Variants in DPP10 observed in about 807,000 individuals in gnomAD.
DPP10 encodes inactive dipeptidyl peptidase 10.
A neutral mutation model predicts 120.9 loss-of-function variants in DPP10; 33 were observed. That is an observed-to-expected ratio of 0.27 (90% CI 0.21 to 0.37). DPP10 has a LOEUF of 0.37. DPP10 is among the 10% of genes least tolerant of loss of function. The pLI is 1.00. For missense variants in DPP10, 816 were observed against 942.8 expected (o/e 0.87, Z 1.76); for synonymous variants, 337 against 326.1 (o/e 1.03, Z -0.36).
intron 3 of DPP10, among the ~76,000 whole-genome samples, chr2:115,389,278 A>AACACACAC (rs3980953): frequency 4.7e-4 from 70 of 149,738 alleles, no homozygotes; most frequent in African/African-American, 1.5e-3. Context: ...CACACACACA[A>AACACACAC]ACACACACAC....
In DPP10 at chr2:115,842,527, AG is replaced by A; in HGVS notation, c.*186del. The A allele has an allele frequency of 1.6e-6, 1 of 619,864 alleles. No homozygotes were observed. 38.4% of individuals were successfully genotyped at this position (619,864 alleles called of 1,614,324 possible). A position where few individuals can be genotyped will look rare whatever the true frequency, so the allele number is the denominator to read the frequency against. ...ACAAGTCCAAGTCTACTGTGTTGCT[AG>A]GGGTGCAGAACCCGTTTCTTTGTAT... On this transcript the variant is annotated 3_prime_UTR_variant, in exon 26 of 26. Coordinates refer to ENST00000410059, the MANE Select transcript of DPP10 (RefSeq NM_020868.6).
chr2:115,252,289 C>G (rs1161325707), intron 1 of DPP10, among the ~76,000 whole-genome samples: 3 of 152,172 alleles, frequency 2.0e-5, no homozygotes, highest in Admixed American at 2.0e-4. Context: ...GTACAGAGAA[C>G]TCATCCCTGT....
chr2:115,597,299 AT>A (rs2083049697), intron 5 of DPP10, among the ~76,000 whole-genome samples: 1 of 152,152 alleles, frequency 6.6e-6, no homozygotes, highest in Non-Finnish European at 1.5e-5. Context: ...ATACAAAGTA[AT>A]TTCTCATGTC....
chr2:115,037,891 C>G (rs1011418315), intron 1 of DPP10, among the ~76,000 whole-genome samples: 1 of 152,134 alleles, frequency 6.6e-6, no homozygotes, highest in Non-Finnish European at 1.5e-5. Flanking sequence ...CTGGAGCCAA[C>G]CATATAATGA....
rs1310507943 is a variant in DPP10 at position 115,087,533 on chromosome 2, C to CTTTTT, written c.61-221702_61-221701insTTTTT. 2.5e-3 allele frequency among the ~76,000 whole-genome samples: 229 copies of CTTTTT among 92,584 alleles called. 1 individual carries two copies. Among genetic ancestry groups the CTTTTT allele is most frequent in the East Asian group, 3.3e-3 (12 of 3,616 alleles). 60.7% of individuals were successfully genotyped at this position (92,584 alleles called of 152,430 possible). Reference sequence around the variant, plus strand: ...TCTTTTTCTTTCTTTCTTTTCTTTTCTTTTCTTTTTTTTTTTTTTTTTTGA... The same window carrying CTTTTT: ...TCTTTTTCTTTCTTTCTTTTCTTTTCTTTTTTTTTCTTTTTTTTTTTTTTTTTTGA... On this transcript the variant is annotated intron_variant, in intron 1 of 25. Transcript: ENST00000410059.
chr2:114,619,625 AAAATT>A (rs1263787909), intron 1 of DPP10, among the ~76,000 whole-genome samples: 2 of 152,070 alleles, frequency 1.3e-5, no homozygotes, highest in Middle Eastern at 3.2e-3. Context: ...AAAATAAAAT[AAAATT>A]AAATTAAAAT....
chr2:114,755,183 T>A (rs1008175597), intron 1 of DPP10, among the ~76,000 whole-genome samples: 4 of 152,250 alleles, frequency 2.6e-5, no homozygotes, highest in Admixed American at 2.6e-4. Context: ...AGTGAATCTA[T>A]GTTAGTGTCC....
At chr2:115,454,942 T>G (rs1256354426) in intron 3 of DPP10, among the ~76,000 whole-genome samples, 1 of 150,954 alleles carries the variant, frequency 6.6e-6, no homozygotes, top group African/African-American at 2.4e-5. Context: ...AAAAATGAAA[T>G]TATAGAAAAA....
At chr2:115,736,790 G>A (rs1314601241) in intron 8 of DPP10, among the ~76,000 whole-genome samples, 2 of 152,200 alleles carry the variant, frequency 1.3e-5, no homozygotes, top group East Asian at 1.9e-4. Context: ...GTGGGAGCCA[G>A]AGGCTGACGG....
chr2:114,468,489 T>C (rs1482787203), intron 1 of DPP10, among the ~76,000 whole-genome samples: 2 of 151,784 alleles, frequency 1.3e-5, no homozygotes, highest in African/African-American at 2.4e-5. Flanking sequence ...CAAAGGTTCA[T>C]TTGTAAATCA....
intron 1 of DPP10, among the ~76,000 whole-genome samples, chr2:114,472,013 G>A (rs1371670116): frequency 4.6e-5 from 7 of 152,188 alleles, no homozygotes; most frequent in Non-Finnish European, 7.4e-5. Context: ...TTTCACTCAG[G>A]AATAACTATT....
intron 5 of DPP10, among the ~76,000 whole-genome samples, chr2:115,650,031 G>A (rs193059281): frequency 2.0e-5 from 3 of 152,188 alleles, no homozygotes; most frequent in Admixed American, 2.0e-4. Flanking sequence ...AAAAAAGAGA[G>A]AGACTGAAAA....
chr2:115,365,405 C>T (rs2065020291), intron 3 of DPP10, among the ~76,000 whole-genome samples: 1 of 151,754 alleles, frequency 6.6e-6, no homozygotes, highest in Non-Finnish European at 1.5e-5. Context: ...TCCTAGATTC[C>T]AAGAACTAAA....
chr2:115,113,794 T>C (rs2049356813), intron 1 of DPP10, among the ~76,000 whole-genome samples: 2 of 152,176 alleles, frequency 1.3e-5, no homozygotes, highest in African/African-American at 2.4e-5. Flanking sequence ...TATTAAGATA[T>C]CAAGAACTTG....
At position 115,746,170 on chromosome 2, in the gene DPP10, A is replaced by G. The variant is rs373683426; in HGVS notation, c.937A>G (p.Ser313Gly). 29 of 1,611,988 alleles carry G rather than the reference A, an allele frequency of 1.8e-5. No homozygotes were observed. The highest frequency in any genetic ancestry group is 1.6e-4 in the Middle Eastern group (1 of 6,064). Residue 313 changes from serine to glycine, a missense_variant, in exon 10 of 26, where the codon AGC (serine) becomes GGC (glycine). Transcript: ENST00000410059. ...CACTTTGGAGCTCATGCCACCTGACAGCTTTAAATCAAGGTATGCAATTTC... is the reference window on the plus strand; with the variant it reads ...CACTTTGGAGCTCATGCCACCTGACGGCTTTAAATCAAGGTATGCAATTTC... ...THTLELMPPD[S>G]FKSREYYITM... is the part of the protein sequence containing the mutation.
intron 1 of DPP10, among the ~76,000 whole-genome samples, chr2:115,055,107 T>C (rs1705800363): frequency 6.6e-6 from 1 of 152,210 alleles, no homozygotes; most frequent in African/African-American, 2.4e-5. Flanking sequence ...TAAACCATGC[T>C]ATTGGTCTAC....
intron 5 of DPP10, among the ~76,000 whole-genome samples, chr2:115,608,084 GTGA>G (rs2083822998): frequency 6.6e-6 from 1 of 152,088 alleles, no homozygotes; most frequent in African/African-American, 2.4e-5. Flanking sequence ...CAGGAAGACA[GTGA>G]TGATTAAATC....
chr2:114,899,885 G>A (rs1031188204), intron 1 of DPP10, among the ~76,000 whole-genome samples: 1 of 152,290 alleles, frequency 6.6e-6, no homozygotes, highest in South Asian at 2.1e-4. Flanking sequence ...GCGTGAACCC[G>A]GGAGGTGGAG....
chr2:115,762,012 G>T (rs1222133689), intron 11 of DPP10, among the ~76,000 whole-genome samples: 1 of 151,994 alleles, frequency 6.6e-6, no homozygotes, highest in Admixed American at 6.6e-5. Flanking sequence ...TTTGCAATAT[G>T]ATTTTGGCTC....
Sources: allele counts gnomAD v4.1 joint callset (sites outside exome capture counted in the v4.1 genomes callset), GRCh38; gene constraint gnomAD v4.1.1; transcripts MANE v1.5; gene names NCBI Gene and HGNC (gene_info 2026-07-23, HGNC 2026-07-21).